THSD7A: variants seen among roughly 807,000 people sequenced by gnomAD.
THSD7A encodes thrombospondin type-1 domain-containing protein 7A.
In THSD7A, 96 loss-of-function variants were observed where a neutral mutation model predicts 231.3. The observed-to-expected ratio is 0.41, with a 90% CI of 0.35 to 0.49. The LOEUF is 0.49. Among genes scored for constraint, THSD7A ranks in the 20% least tolerant of loss-of-function variants. The pLI, the probability that THSD7A is intolerant of heterozygous loss-of-function variation, is 0.05. For missense variants in THSD7A, 2,290 were observed against 2,070.2 expected (o/e 1.11, Z -2.06); for synonymous variants, 940 against 743.3 (o/e 1.26, Z -4.30).
At chr7:11,392,626 C>T (rs1783028263) in intron 23 of THSD7A, among the ~76,000 whole-genome samples, 1 of 152,224 alleles carries the variant, frequency 6.6e-6, no homozygotes, top group South Asian at 2.1e-4. Flanking sequence ...AAGCTAAGAT[C>T]CACTGGCTTG....
intron 6 of THSD7A, among the ~76,000 whole-genome samples, chr7:11,497,904 C>T (rs539381920): frequency 2.0e-5 from 3 of 152,102 alleles, no homozygotes; most frequent in Non-Finnish European, 2.9e-5. Context: ...AGTGAATAAG[C>T]GATCCCGGGA....
At chr7:11,504,905 T>G (rs1488031810) in intron 6 of THSD7A, among the ~76,000 whole-genome samples, 1 of 152,152 alleles carries the variant, frequency 6.6e-6, no homozygotes, top group East Asian at 1.9e-4. Context: ...AAAGGAGATT[T>G]GGAAATATAT....
At chr7:11,720,825 T>A (rs1781325267) in intron 1 of THSD7A, among the ~76,000 whole-genome samples, 1 of 151,658 alleles carries the variant, frequency 6.6e-6, no homozygotes, top group Non-Finnish European at 1.5e-5. Context: ...TTTTCCCTTG[T>A]GTTTCAGATT....
Position 11,379,691 on chromosome 7 carries a change from T to C in THSD7A, c.4529A>G (p.Gln1510Arg). Residue 1510 changes from glutamine to arginine, a missense_variant, in exon 25 of 28, where the codon CAG (glutamine) becomes CGG (arginine). Coordinates refer to ENST00000423059, the MANE Select transcript of THSD7A (RefSeq NM_015204.3). ...GTTACAAGACCTGTCGGCATCAGGCTGGCTCATCACCAAGCAGCCCCCTGC... is the reference window on the plus strand; with the variant it reads ...GTTACAAGACCTGTCGGCATCAGGCCGGCTCATCACCAAGCAGCCCCCTGC... ...NVTGGCLVMSQPDADRSCNPP... is the reference protein window; with the variant it reads ...NVTGGCLVMSRPDADRSCNPP... 1 of 1,592,334 alleles carries C rather than the reference T, an allele frequency of 6.3e-7. No homozygotes were observed. Among genetic ancestry groups the C allele is most frequent in the Non-Finnish European group, 8.6e-7 (1 of 1,168,508 alleles).
intron 1 of THSD7A, among the ~76,000 whole-genome samples, chr7:11,700,139 A>G (rs915374758): frequency 1.3e-5 from 2 of 151,312 alleles, no homozygotes; most frequent in African/African-American, 2.4e-5. Flanking sequence ...AAAGCATACA[A>G]CATGCTAAAG....
At chr7:11,791,011 A>G (rs1026820827) in intron 1 of THSD7A, among the ~76,000 whole-genome samples, 2 of 152,006 alleles carry the variant, frequency 1.3e-5, no homozygotes, top group African/African-American at 2.4e-5. Context: ...ATTGTGAAGA[A>G]TAAAAAACAT....
At chr7:11,555,942 A>C (rs1159315734) in intron 4 of THSD7A, among the ~76,000 whole-genome samples, 1 of 151,608 alleles carries the variant, frequency 6.6e-6, no homozygotes, top group Non-Finnish European at 1.5e-5. Context: ...GTTTCTCATT[A>C]TTTTACTTTA....
intron 13 of THSD7A, among the ~76,000 whole-genome samples, chr7:11,435,291 C>T (rs1246628100): frequency 2.6e-5 from 4 of 152,050 alleles, no homozygotes; most frequent in Non-Finnish European, 4.4e-5. Context: ...GTAGGTCTCT[C>T]GGCCCTGAAA....
chr7:11,530,308 C>G (rs886976472), intron 6 of THSD7A, among the ~76,000 whole-genome samples: 15 of 151,898 alleles, frequency 9.9e-5, no homozygotes. Flanking sequence ...ATGCTTTATT[C>G]GACATCTGGT....
intron 1 of THSD7A, among the ~76,000 whole-genome samples, chr7:11,775,233 T>TGTGCTTTACTGGTG (rs1783363388): frequency 1.3e-5 from 2 of 152,150 alleles, no homozygotes; most frequent in Non-Finnish European, 2.9e-5. Context: ...TTGGAACCCT[T>TGTGCTTTACTGGTG]GTGCTTTACT....
rs150444755 is a variant in THSD7A at position 11,780,204 on chromosome 7, G to C, written c.190+51553C>G. ...AAGAAAACTAATCGTATTCATGAGG[G>C]CTCCATCTCATGATCTGATTTCCTC... On this transcript the variant is annotated intron_variant, in intron 1 of 27. Transcript: ENST00000423059. Among the ~76,000 whole-genome samples, 1,217 of 152,106 alleles carry C rather than the reference G, an allele frequency of 8.0e-3. 12 individuals are homozygous for C. Among genetic ancestry groups the C allele is most frequent in the Non-Finnish European group, 0.013 (874 of 67,998 alleles).
At chr7:11,592,108 G>A (rs1780189123) in intron 3 of THSD7A, among the ~76,000 whole-genome samples, 1 of 152,200 alleles carries the variant, frequency 6.6e-6, no homozygotes, top group East Asian at 1.9e-4. Flanking sequence ...ACTTCCTTGA[G>A]CCTATTATGT....
chr7:11,812,590 G>C (rs1784564296), intron 1 of THSD7A, among the ~76,000 whole-genome samples: 1 of 152,254 alleles, frequency 6.6e-6, no homozygotes, highest in Non-Finnish European at 1.5e-5. Context: ...AAACACGTCT[G>C]TAATCATTTA....
At chr7:11,404,365 G>C (rs977373022) in intron 22 of THSD7A, among the ~76,000 whole-genome samples, 1 of 152,190 alleles carries the variant, frequency 6.6e-6, no homozygotes, top group South Asian at 2.1e-4. Flanking sequence ...ATATACCACA[G>C]TCTGACAAGG....
chr7:11,408,274 C>G (rs568822410), intron 19 of THSD7A, among the ~76,000 whole-genome samples: 1 of 151,978 alleles, frequency 6.6e-6, no homozygotes, highest in African/African-American at 2.4e-5. Context: ...TTTGGGAGAC[C>G]GAGGTGGGCG....
chr7:11,503,532 T>A (rs1787424363), intron 6 of THSD7A, among the ~76,000 whole-genome samples: 1 of 152,074 alleles, frequency 6.6e-6, no homozygotes, highest in Non-Finnish European at 1.5e-5. Context: ...ACCTACAGAA[T>A]AGGAGAAAGT....
rs1305700094 is a variant in THSD7A, at chr7:11,474,972, A to C, written c.2018-404T>G. 6.6e-6 allele frequency among the ~76,000 whole-genome samples: 1 copy of C among 152,204 alleles called. No individual in the cohort carries two copies. The highest frequency in any genetic ancestry group is 2.4e-5 in the African/African-American group (1 of 41,458). ...AAAATTTTGAAGGAGTAGGATTTCA[A>C]TAAGCAGAATTCTGGGAAGGGACAG... On this transcript the variant is annotated intron_variant, in intron 7 of 27. Coordinates refer to ENST00000423059, the MANE Select transcript of THSD7A (RefSeq NM_015204.3). This position sits in a 1 kb window ranked among gnomAD's most constrained non-coding sequence, Gnocchi z 4.1.
chr7:11,434,877 C>G (rs1784584627), intron 13 of THSD7A, among the ~76,000 whole-genome samples: 1 of 151,876 alleles, frequency 6.6e-6, no homozygotes, highest in Non-Finnish European at 1.5e-5. Context: ...GTATATATAT[C>G]CAAACTCCTA....
Position 11,831,905 on chromosome 7 carries a change from G to T in THSD7A, c.42C>A (p.Gly14=). The stretch of plus-strand genomic sequence containing the variant: ...GGACGCCCCGGCGCGGCCCCGCAGC[G>T]CCCCGGCTCCCGGACGCCCAGCGCC... ...QARRWASGSR[G]AAGPRRGVLQ... Residue 14 remains glycine (G), a synonymous_variant, in exon 1 of 28, where the codon GGC becomes GGA. Coordinates refer to ENST00000423059, the MANE Select transcript of THSD7A (RefSeq NM_015204.3). The surrounding 1 kb of genome is among the most constrained non-coding windows in gnomAD (Gnocchi z 5.0). 1.6e-6 allele frequency: 2 copies of T among 1,238,082 alleles called. No homozygotes were observed. The highest frequency in any genetic ancestry group is 4.3e-5 in the Admixed American group (1 of 23,372). 76.7% of individuals were successfully genotyped at this position (1,238,082 alleles called of 1,614,324 possible). A position where few individuals can be genotyped will look rare whatever the true frequency, so the allele number is the denominator to read the frequency against.
Sources: gnomAD v4.1 joint callset for allele counts (sites outside exome capture counted in the v4.1 genomes callset) on GRCh38, gnomAD v4.1.1 for gene constraint, Gnocchi (gnomAD v3.1) non-coding constraint, MANE v1.5 for transcripts, NCBI Gene and HGNC (gene_info 2026-07-23, HGNC 2026-07-21) for gene names.